Variants in CD5L observed in about 807,000 individuals in gnomAD.
The protein encoded by CD5L is CD5 antigen-like.
CD5L carries 39 observed loss-of-function variants against 40.8 expected under a neutral mutation model. That is an observed-to-expected ratio of 0.96 (90% confidence interval 0.74 to 1.25). The LOEUF (loss-of-function observed/expected upper bound fraction) is 1.25. CD5L is among the 50% of genes most tolerant of loss of function. The pLI, the probability that CD5L is intolerant of heterozygous loss-of-function variation, is 0.00. For missense variants in CD5L, 433 were observed against 435.9 expected (o/e 0.99, Z 0.06); for synonymous variants, 192 against 169.6 (o/e 1.13, Z -1.03).
intron 1 of CD5L, among the ~76,000 whole-genome samples, chr1:157,840,830 G>A (rs146770136): frequency 5.3e-5 from 8 of 152,296 alleles, no homozygotes; most frequent in African/African-American, 1.9e-4. Context: ...TCCATGAGGG[G>A]CAGGACTAGC....
In CD5L at chr1:157,831,934, A is replaced by AG; in HGVS notation, c.*29dup. ...GAACAAGCAGAGGGCAGGCGGGGCCAGGGGGGCCAGGTCAAGCAACACCAG... is the reference window on the plus strand; with the variant it reads ...GAACAAGCAGAGGGCAGGCGGGGCCAGGGGGGGCCAGGTCAAGCAACACCAG... On this transcript the variant is annotated 3_prime_UTR_variant, in exon 6 of 6. Coordinates refer to ENST00000368174, the MANE Select transcript of CD5L (RefSeq NM_005894.3). 1.3e-6 allele frequency: 2 copies of AG among 1,568,738 alleles called. No homozygotes were observed. Among genetic ancestry groups the AG allele is most frequent in the Non-Finnish European group, 1.7e-6 (2 of 1,161,352 alleles).
rs1465160034 is a variant in CD5L, at chr1:157,831,785, C to T, written c.*179G>A. On this transcript the variant is annotated 3_prime_UTR_variant, in exon 6 of 6. Transcript: ENST00000368174. ...CTCAACAGCTCACATCTACAGGCAG[C>T]AATGGGGGCTGCTTGTCCCTGAGAG... The T allele has an allele frequency of 2.3e-6, 3 of 1,315,732 alleles. No individual in the cohort carries two copies. In the South Asian group the frequency reaches 8.2e-5, roughly 36 times the overall value. 81.5% of individuals were successfully genotyped at this position (1,315,732 alleles called of 1,614,324 possible).
intron 4 of CD5L, among the ~76,000 whole-genome samples, chr1:157,833,886 T>C (rs1656119319): frequency 2.0e-5 from 3 of 151,576 alleles, no homozygotes; most frequent in African/African-American, 4.9e-5. Flanking sequence ...GCTGGTATTA[T>C]AGGCATGAGC....
intron 3 of CD5L, 80 bp from the exon 4 acceptor site, chr1:157,834,828 T>A: frequency 9.1e-7 from 1 of 1,094,366 alleles, no homozygotes; most frequent in Non-Finnish European, 1.3e-6. Flanking sequence ...TGGACACATC[T>A]CACAGTTCTT....
downstream of CD5L, among the ~76,000 whole-genome samples, chr1:157,829,766 A>C (rs1415551393): frequency 6.6e-6 from 1 of 152,210 alleles, no homozygotes. Context: ...AAACCAACAT[A>C]AGTCAATCAA....
chr1:157,829,041 C>CA (rs1396282596), downstream of CD5L, among the ~76,000 whole-genome samples: 1 of 152,188 alleles, frequency 6.6e-6, no homozygotes, highest in Non-Finnish European at 1.5e-5. Context: ...GCTCCTCTCC[C>CA]AAAAACCTTC....
intron 2 of CD5L, among the ~76,000 whole-genome samples, chr1:157,838,518 G>C (rs926654270): frequency 6.7e-5 from 10 of 149,590 alleles, no homozygotes; most frequent in African/African-American, 2.5e-4. Context: ...TTTTCTATGG[G>C]GTAGAAGACT....
chr1:157,835,564 G>T (rs1431375206), intron 3 of CD5L, among the ~76,000 whole-genome samples: 1 of 152,178 alleles, frequency 6.6e-6, no homozygotes, highest in African/African-American at 2.4e-5. Context: ...GTTTAGTGGT[G>T]TGCATGTTGG....
chr1:157,827,662 C>G (rs1318009515), downstream of CD5L, among the ~76,000 whole-genome samples: 7 of 152,174 alleles, frequency 4.6e-5, no homozygotes. Flanking sequence ...TCTACTGATA[C>G]AAATGCTAAC....
Position 157,841,729 on chromosome 1 carries a change from G to A in CD5L, c.-28C>T, listed in dbSNP as rs746320706. On this transcript the variant is annotated 5_prime_UTR_variant, in exon 1 of 6. Coordinates refer to ENST00000368174, the MANE Select transcript of CD5L (RefSeq NM_005894.3). Reference sequence around the variant, plus strand: ...CCAAGGCAGGTGAAGGTGATGAGCTGAAATTTAAGGCTAGAAGGAGGTCCC... The same window carrying A: ...CCAAGGCAGGTGAAGGTGATGAGCTAAAATTTAAGGCTAGAAGGAGGTCCC... The A allele has an allele frequency of 6.2e-7, 1 of 1,609,416 alleles. No individual in the cohort carries two copies. The highest frequency in any genetic ancestry group is 8.5e-7 in the Non-Finnish European group (1 of 1,176,788).
Position 157,839,461 on chromosome 1 carries a change from A to G in CD5L, c.29-51T>C, listed in dbSNP as rs567501120. On this transcript the variant is annotated intron_variant, in intron 1 of 5. Transcript: ENST00000368174. ...GAGGTCAATTTCCAAGGCTTTATTCAAAGAACACAACTCTAGAAGGCCTTC... is the reference window on the plus strand; with the variant it reads ...GAGGTCAATTTCCAAGGCTTTATTCGAAGAACACAACTCTAGAAGGCCTTC... 261 of 1,595,130 alleles carry G rather than the reference A, an allele frequency of 1.6e-4. 1 individual carries two copies. Among genetic ancestry groups the G allele is most frequent in the South Asian group, 1.5e-3 (132 of 90,212 alleles).
Position 157,831,927 on chromosome 1 carries a change from CG to C in CD5L, c.*36del. 1.3e-6 allele frequency: 2 copies of C among 1,557,784 alleles called. No homozygotes were observed. The highest frequency in any genetic ancestry group is 2.0e-5 in the Admixed American group (1 of 50,898). On this transcript the variant is annotated 3_prime_UTR_variant, in exon 6 of 6. Coordinates refer to ENST00000368174, the MANE Select transcript of CD5L (RefSeq NM_005894.3). Reference sequence around the variant, plus strand: ...CTCAGGAGAACAAGCAGAGGGCAGGCGGGGCCAGGGGGGCCAGGTCAAGCAA... The same window carrying C: ...CTCAGGAGAACAAGCAGAGGGCAGGCGGGCCAGGGGGGCCAGGTCAAGCAA...
At chr1:157,837,512 G>T (rs550356594) in intron 2 of CD5L, among the ~76,000 whole-genome samples, 41 of 152,332 alleles carry the variant, frequency 2.7e-4, no homozygotes, top group African/African-American at 9.6e-4. Context: ...TACATGGAGA[G>T]AGACGGTTAG....
intron 5 of CD5L, among the ~76,000 whole-genome samples, chr1:157,832,752 G>A (rs1656082447): frequency 6.6e-6 from 1 of 152,054 alleles, no homozygotes; most frequent in Non-Finnish European, 1.5e-5. Flanking sequence ...TCAAGGTTAG[G>A]GTCATCCAAG....
chr1:157,834,825 A>C (rs978712962), intron 3 of CD5L, 77 bp from the exon 4 acceptor site: 2 of 1,117,594 alleles, frequency 1.8e-6, no homozygotes, highest in South Asian at 1.4e-5. Context: ...CAATGGACAC[A>C]TCTCACAGTT....
intron 5 of CD5L, among the ~76,000 whole-genome samples, chr1:157,832,240 C>T (rs1249237772): frequency 2.6e-5 from 4 of 152,172 alleles, no homozygotes; most frequent in African/African-American, 7.2e-5. Context: ...TGAGGTAAAC[C>T]GGACAAGTGT....
rs1656104992 is a variant in CD5L at position 157,833,451 on chromosome 1, C to T, written c.780G>A (p.Leu260=). The T allele has an allele frequency of 9.3e-6, 15 of 1,614,176 alleles. No homozygotes were observed. The highest frequency in any genetic ancestry group is 1.3e-5 in the Non-Finnish European group (15 of 1,180,032). The change falls in exon 5 of 6, where the codon CTG becomes CTA. Residue 260 remains leucine (L), a synonymous_variant. Transcript: ENST00000368174. The stretch of plus-strand genomic sequence containing the variant: ...AGACAGAGCCCCATACGCCCTTGTG[C>T]AGCACCTCCAGTCGCCCAGAGCAGA... ...DNLCSGRLEV[L]HKGVWGSVCD...
rs753082303 is a variant in CD5L at position 157,834,799 on chromosome 1, C to T, written c.377-51G>A. On this transcript the variant is annotated intron_variant, in intron 3 of 5. Transcript: ENST00000368174. ...CTGTTCTCTGCCAGAACATGGTCTTCTCAGTAAAGGCGGCCCAATGGACAC... is the reference window on the plus strand; with the variant it reads ...CTGTTCTCTGCCAGAACATGGTCTTTTCAGTAAAGGCGGCCCAATGGACAC... 17 of 1,489,518 alleles carry T rather than the reference C, an allele frequency of 1.1e-5. No homozygotes were observed. The South Asian group carries it at 1.9e-4, about 17-fold the overall frequency. The allele number at this position is 1,489,518 out of a possible 1,614,324, so 92.3% of individuals were successfully genotyped here. A position where few individuals can be genotyped will look rare whatever the true frequency, so the allele number is the denominator to read the frequency against.
chr1:157,839,109 C>T (rs1467377842), intron 2 of CD5L, among the ~76,000 whole-genome samples: 2 of 152,172 alleles, frequency 1.3e-5, no homozygotes, highest in Non-Finnish European at 2.9e-5. Context: ...GCATTCTAGA[C>T]CTGAAATGAA....
Sources: gnomAD v4.1 joint callset for allele counts (sites outside exome capture counted in the v4.1 genomes callset) on GRCh38, gnomAD v4.1.1 for gene constraint, MANE v1.5 for transcripts, NCBI Gene and HGNC (gene_info 2026-07-23, HGNC 2026-07-21) for gene names.